The following SUGT1 variants were observed in gnomAD, a reference collection of about 807,000 sequenced individuals.
SUGT1 encodes SGT1 assembly cochaperone of MIS12 kinetochore complex.
Under a neutral mutation model 56.1 loss-of-function variants are expected in SUGT1, and 15 were observed. The ratio of observed to expected loss-of-function variants is 0.27; its 90% CI spans 0.18 to 0.41. The LOEUF (loss-of-function observed/expected upper bound fraction) is 0.41, where lower values mean the gene tolerates loss of function less well. Among genes scored for constraint, SUGT1 ranks in the 10% least tolerant of loss-of-function variants. The pLI is 1.00. For missense variants in SUGT1, 347 were observed against 382.2 expected, an observed-to-expected ratio of 0.91 and a Z score of 0.77; for synonymous variants, 123 against 128.6, an observed-to-expected ratio of 0.96 and a Z score of 0.30.
intron 12 of SUGT1, among the ~76,000 whole-genome samples, chr13:52,680,766 A>G (rs1197389277): frequency 1.3e-5 from 2 of 152,220 alleles, no homozygotes; most frequent in Non-Finnish European, 2.9e-5. Flanking sequence ...TTTTAATTTA[A>G]TATTTAGTTA....
In SUGT1 at chr13:52,689,266, A is replaced by G. The variant is rs1207753872; in HGVS notation, c.*1431A>G. 6.6e-6 allele frequency: 1 copy of G among 152,182 alleles called. No individual in the cohort carries two copies. Among genetic ancestry groups the G allele is most frequent in the African/African-American group, 2.4e-5 (1 of 41,446 alleles). The allele number at this position is 152,182 out of a possible 1,614,324, so 9.4% of individuals were successfully genotyped here. On this transcript the variant is annotated 3_prime_UTR_variant, in exon 13 of 13. Transcript: ENST00000310528. Reference sequence around the variant, plus strand: ...TTTTCACTTGTCCTTCTGTCCACTTAGAGCTACTAGATACATTTTTTTCTT... The same window carrying G: ...TTTTCACTTGTCCTTCTGTCCACTTGGAGCTACTAGATACATTTTTTTCTT...
rs376259046 is a variant in SUGT1 at position 52,663,005 on chromosome 13, A to G, written c.383-91A>G. The stretch of plus-strand genomic sequence containing the variant: ...AAGGTACGGAGAATTTGCTTGCTTA[A>G]TCAGTATGTTTGTGCTATAGAAATC... On this transcript the variant is annotated intron_variant, in intron 6 of 12. Coordinates refer to ENST00000310528, the MANE Select transcript of SUGT1 (RefSeq NM_006704.5). The G allele has an allele frequency of 4.8e-5, 68 of 1,413,634 alleles. No homozygotes were observed. In the African/African-American group the frequency reaches 8.8e-4, roughly 18 times the overall value. 87.6% of individuals were successfully genotyped at this position (1,413,634 alleles called of 1,614,324 possible).
chr13:52,663,177 G>C, intron 7 of SUGT1, 65 bp downstream of exon 7: 2 of 1,521,580 alleles, frequency 1.3e-6, no homozygotes, highest in Non-Finnish European at 1.8e-6. Flanking sequence ...AAATATATTT[G>C]AGACAAGACT....
chr13:52,688,013 A>G lies in SUGT1; in HGVS notation c.*178A>G, dbSNP rs1487967360. On this transcript the variant is annotated 3_prime_UTR_variant, in exon 13 of 13. Coordinates refer to ENST00000310528, the MANE Select transcript of SUGT1 (RefSeq NM_006704.5). ...TTCAAGTCTAATGAAGAATGAAGAT[A>G]ACATTTTATCACTTCTGTCCTTAAA... 1.2e-5 allele frequency: 5 copies of G among 429,948 alleles called. No homozygotes were observed. The highest frequency in any genetic ancestry group is 8.3e-5 in the African/African-American group (4 of 48,410). 26.6% of individuals were successfully genotyped at this position (429,948 alleles called of 1,614,324 possible). A position where few individuals can be genotyped will look rare whatever the true frequency, so the allele number is the denominator to read the frequency against.
intron 10 of SUGT1, among the ~76,000 whole-genome samples, chr13:52,672,375 G>GT (rs1372700701): frequency 6.6e-6 from 1 of 152,158 alleles, no homozygotes; most frequent in African/African-American, 2.4e-5. Context: ...CTGGCACAGA[G>GT]TAGGTACTCA....
chr13:52,662,945 C>T, intron 6 of SUGT1, 151 bp from the exon 7 acceptor site: 1 of 882,510 alleles, frequency 1.1e-6, no homozygotes. Context: ...AAAATGAATT[C>T]AGGATGCAAA....
chr13:52,662,541 TCCCC>T, intron 5 of SUGT1, 104 bp from the exon 6 acceptor site: 9 of 1,031,342 alleles, frequency 8.7e-6, no homozygotes, highest in South Asian at 5.1e-5. Flanking sequence ...CGCTGCCGAC[TCCCC>T]AGTGCCTAGA....
chr13:52,658,738 CTTTTT>C (rs59712858), intron 4 of SUGT1, among the ~76,000 whole-genome samples: 1 of 127,740 alleles, frequency 7.8e-6, no homozygotes, highest in African/African-American at 3.0e-5. Context: ...TTTCACATTG[CTTTTT>C]TTTTTTTTTT....
Position 52,659,192 on chromosome 13 carries a change from C to T in SUGT1, c.271C>T (p.His91Tyr). The part of the protein sequence containing the change: ...AMLRKGICEY[H>Y]EKNYAAALET... ...ATATTCATGCAGAATATGTGAATAC[C>T]ATGAAAAAAACTATGCTGCTGCCCT... The change falls in exon 5 of 13, where the codon CAT (histidine) becomes TAT (tyrosine). Residue 91 changes from histidine to tyrosine, a missense_variant. Transcript: ENST00000310528. 1.3e-6 allele frequency: 2 copies of T among 1,484,654 alleles called. No homozygotes were observed. Among genetic ancestry groups the T allele is most frequent in the Non-Finnish European group, 1.8e-6 (2 of 1,123,712 alleles). 92.0% of individuals were successfully genotyped at this position (1,484,654 alleles called of 1,614,324 possible).
intron 12 of SUGT1, among the ~76,000 whole-genome samples, chr13:52,683,702 C>A (rs959988651): frequency 3.9e-5 from 6 of 152,108 alleles, no homozygotes; most frequent in Non-Finnish European, 8.8e-5. Context: ...ACCAGTGAAA[C>A]GGTCTGGGCC....
In SUGT1 at chr13:52,692,123, T is replaced by C. The variant is rs996385633; in HGVS notation, c.*4288T>C. On this transcript the variant is annotated 3_prime_UTR_variant, in exon 13 of 13. Coordinates refer to ENST00000310528, the MANE Select transcript of SUGT1 (RefSeq NM_006704.5). ...AGTTACTGTGTACTAGCATTTCTTA[T>C]GGATTGGGTGGCATTATCTCATTTT... The C allele has an allele frequency of 3.9e-5, 6 of 152,200 alleles. No individual in the cohort carries two copies. Among genetic ancestry groups the C allele is most frequent in the Admixed American group, 2.0e-4 (3 of 15,284 alleles). The allele number at this position is 152,200 out of a possible 1,614,324, so 9.4% of individuals were successfully genotyped here.
chr13:52,659,150 C>A, intron 4 of SUGT1, 29 bp from the exon 5 acceptor site: 1 of 1,500,800 alleles, frequency 6.7e-7, no homozygotes, highest in South Asian at 1.3e-5. Context: ...TTTTGTGTGT[C>A]TTAATTTGTT....
At chr13:52,684,941 T>G (rs1036239359) in intron 12 of SUGT1, among the ~76,000 whole-genome samples, 2 of 151,272 alleles carry the variant, frequency 1.3e-5, no homozygotes, top group Non-Finnish European at 2.9e-5. Flanking sequence ...TGCCCCTTGG[T>G]GTTTCCAGCT....
intron 12 of SUGT1, among the ~76,000 whole-genome samples, chr13:52,683,015 AATC>A (rs1354291156): frequency 6.6e-6 from 1 of 152,186 alleles, no homozygotes; most frequent in East Asian, 1.9e-4. Context: ...TAATGTGGAC[AATC>A]ATCTTCAAAT....
chr13:52,664,619 C>T (rs1032452654), intron 8 of SUGT1, among the ~76,000 whole-genome samples: 3 of 152,108 alleles, frequency 2.0e-5, no homozygotes, highest in Non-Finnish European at 4.4e-5. Context: ...CAAAGGGAAA[C>T]CGAGACTCTT....
chr13:52,664,534 T>C (rs563753516), intron 8 of SUGT1, among the ~76,000 whole-genome samples: 1 of 152,364 alleles, frequency 6.6e-6, no homozygotes, highest in Non-Finnish European at 1.5e-5. Context: ...CATTAGCCTG[T>C]GTACAGCTTG....
At chr13:52,687,712 C>G in intron 12 of SUGT1, 22 bp from the exon 13 acceptor site, 1 of 1,541,792 alleles carries the variant, frequency 6.5e-7, no homozygotes, top group Non-Finnish European at 8.7e-7. Context: ...AGGAATTAAT[C>G]TATTTTTATT....
rs1323700625 is a variant in SUGT1 at position 52,696,977 on chromosome 13, ATTTATT to A, written c.*9145_*9150del. The A allele has an allele frequency of 4.3e-5, 5 of 115,398 alleles. No homozygotes were observed. The highest frequency in any genetic ancestry group is 1.7e-4 in the African/African-American group (5 of 30,174). The allele number at this position is 115,398 out of a possible 1,614,324, so 7.1% of individuals were successfully genotyped here. A position where few individuals can be genotyped will look rare whatever the true frequency, so the allele number is the denominator to read the frequency against. On this transcript the variant is annotated 3_prime_UTR_variant, in exon 13 of 13. Coordinates refer to ENST00000310528, the MANE Select transcript of SUGT1 (RefSeq NM_006704.5). ...TACCATTTTTTGGAGGGGTGTCCTG[ATTTATT>A]TTATTTATTTTATTTATTTATTTTT...
chr13:52,652,901 A>G lies in SUGT1; in HGVS notation c.-20A>G. On this transcript the variant is annotated 5_prime_UTR_variant, in exon 1 of 13. Transcript: ENST00000310528. ...CCGTGATAGTAGCAGCTCCGGCGGC[A>G]GCAACAGCGACTACGAGGGATGGCG... is the stretch of plus-strand genomic sequence containing the variant. 1.2e-6 allele frequency: 2 copies of G among 1,612,640 alleles called. No individual in the cohort carries two copies. Among genetic ancestry groups the G allele is most frequent in the Non-Finnish European group, 1.7e-6 (2 of 1,179,228 alleles).
Sources: gnomAD v4.1 joint callset for allele counts (sites outside exome capture counted in the v4.1 genomes callset) on GRCh38, gnomAD v4.1.1 for gene constraint, MANE v1.5 for transcripts, NCBI Gene and HGNC (gene_info 2026-07-23, HGNC 2026-07-21) for gene names.